TCF4: variants seen among roughly 807,000 people sequenced by gnomAD.
TCF4 encodes transcription factor 4, also known as SL3-3 enhancer factor 2.
TCF4 carries 3 observed loss-of-function variants against 82.1 expected under a neutral mutation model. The ratio of observed to expected loss-of-function variants is 0.04; its 90% CI spans 0.02 to 0.09. The LOEUF is 0.09. TCF4 is among the 10% of genes least tolerant of loss of function. TCF4 has a pLI of 1.00. For missense variants in TCF4, 518 were observed against 852.7 expected (o/e 0.61, Z 4.89); for synonymous variants, 276 against 309.6 (o/e 0.89, Z 1.14).
At chr18:55,468,343 G>A (rs1568134090) in intron 3 of TCF4, among the ~76,000 whole-genome samples, 1 of 152,154 alleles carries the variant, frequency 6.6e-6, no homozygotes. Context: ...AAACAAGATT[G>A]ACAATAACCA....
chr18:55,508,336 T>C (rs934111423), intron 3 of TCF4, among the ~76,000 whole-genome samples: 4 of 152,240 alleles, frequency 2.6e-5, no homozygotes, highest in Admixed American at 6.5e-5. Context: ...TCCTCCGTTA[T>C]AGCAATTCTA....
At chr18:55,484,610 C>T (rs946446534) in intron 3 of TCF4, among the ~76,000 whole-genome samples, 3 of 152,176 alleles carry the variant, frequency 2.0e-5, no homozygotes, top group South Asian at 2.1e-4. Context: ...AAACTGAGTG[C>T]GGGCCTTGGA....
intron 8 of TCF4, among the ~76,000 whole-genome samples, chr18:55,315,867 C>T (rs1157821170): frequency 6.6e-6 from 1 of 151,982 alleles, no homozygotes; most frequent in Admixed American, 6.6e-5. Context: ...ATACAAACAA[C>T]TGCTTTTTTT....
intron 2 of TCF4, among the ~76,000 whole-genome samples, chr18:55,614,074 T>G (rs1334828581): frequency 6.6e-6 from 1 of 152,150 alleles, no homozygotes; most frequent in African/African-American, 2.4e-5. Flanking sequence ...TTAATTTTTT[T>G]GTAGAGACGA....
In TCF4 at chr18:55,601,468, A is replaced by G. The variant is rs866720496; in HGVS notation, c.287-14332T>C. Among the ~76,000 whole-genome samples, 7 of 1,810 alleles carry G rather than the reference A, an allele frequency of 3.9e-3. No homozygotes were observed. The African/African-American group carries it at 0.041, about 11-fold the overall frequency. The allele number at this position is 1,810 out of a possible 152,430, so 1.2% of individuals were successfully genotyped here. ...CTGATTTTACATTCCATAACTGAGAAAAAAAAAAAAAAAGGAAAGGAAAGT... is the reference window on the plus strand; with the variant it reads ...CTGATTTTACATTCCATAACTGAGAGAAAAAAAAAAAAAGGAAAGGAAAGT... On this transcript the variant is annotated intron_variant, in intron 2 of 20. Coordinates refer to the TCF4 transcript ENST00000398339.
At chr18:55,595,659 A>C (rs574619185) in intron 2 of TCF4, among the ~76,000 whole-genome samples, 1 of 152,330 alleles carries the variant, frequency 6.6e-6, no homozygotes, top group Non-Finnish European at 1.5e-5. Flanking sequence ...AAATTTCAAC[A>C]ATCTTTCATT....
At chr18:55,516,662 G>A (rs965596766) in intron 3 of TCF4, among the ~76,000 whole-genome samples, 1 of 152,154 alleles carries the variant, frequency 6.6e-6, no homozygotes, top group Non-Finnish European at 1.5e-5. Context: ...TTTGAGTGAA[G>A]AGAGAGATGA....
intron 15 of TCF4, among the ~76,000 whole-genome samples, chr18:55,249,941 CAG>C (rs2054505176): frequency 6.6e-6 from 1 of 152,102 alleles, no homozygotes; most frequent in Non-Finnish European, 1.5e-5. Flanking sequence ...GAATGAGTAA[CAG>C]AGAGAATTCT....
At chr18:55,412,434 G>A (rs570257274) in intron 5 of TCF4, among the ~76,000 whole-genome samples, 12 of 151,560 alleles carry the variant, frequency 7.9e-5, no homozygotes, top group Middle Eastern at 3.2e-3. Context: ...TGAGAATCCC[G>A]GAGTTTTGTT....
intron 6 of TCF4, among the ~76,000 whole-genome samples, chr18:55,363,666 C>A (rs1365105697): frequency 6.6e-6 from 1 of 152,016 alleles, no homozygotes; most frequent in Non-Finnish European, 1.5e-5. Flanking sequence ...ATTAACCAGG[C>A]GTGGTAGTGC....
intron 3 of TCF4, among the ~76,000 whole-genome samples, chr18:55,505,112 T>C (rs1346390304): frequency 6.6e-6 from 1 of 152,154 alleles, no homozygotes; most frequent in Non-Finnish European, 1.5e-5. Context: ...CCTAGGAGAA[T>C]AAGCCTGACC....
chr18:55,583,367 G>A (rs1414502343), intron 3 of TCF4, among the ~76,000 whole-genome samples: 2 of 152,052 alleles, frequency 1.3e-5, no homozygotes, highest in African/African-American at 4.8e-5. Context: ...GTGTATGTGT[G>A]TGTGTTATTG....
At chr18:55,362,471 C>T (rs935819379) in intron 6 of TCF4, among the ~76,000 whole-genome samples, 1 of 150,568 alleles carries the variant, frequency 6.6e-6, no homozygotes, top group African/African-American at 2.5e-5. Flanking sequence ...CTGACCCTGA[C>T]CTTTGGACTC....
intron 5 of TCF4, among the ~76,000 whole-genome samples, chr18:55,448,611 G>A (rs2095566659): frequency 6.6e-6 from 1 of 152,228 alleles, no homozygotes. Context: ...TGACTTAGGG[G>A]AGGCATCTAT....
chr18:55,344,027 A>G (rs1360799449), intron 8 of TCF4, among the ~76,000 whole-genome samples: 1 of 152,210 alleles, frequency 6.6e-6, no homozygotes, highest in Non-Finnish European at 1.5e-5. Flanking sequence ...CAGCCTGACA[A>G]GTATGGATTC....
At chr18:55,487,431 A>C (rs1172804371) in intron 3 of TCF4, among the ~76,000 whole-genome samples, 2 of 152,234 alleles carry the variant, frequency 1.3e-5, no homozygotes, top group African/African-American at 4.8e-5. Context: ...CAGGGTTGAC[A>C]CCAATGCCTG....
At chr18:55,301,454 T>G (rs2068244210) in intron 8 of TCF4, among the ~76,000 whole-genome samples, 1 of 152,228 alleles carries the variant, frequency 6.6e-6, no homozygotes, top group South Asian at 2.1e-4. Context: ...AGGCTCATTC[T>G]GTGGTGAAAT....
chr18:55,618,877 T>A (rs1228125273), intron 2 of TCF4, among the ~76,000 whole-genome samples: 1 of 152,080 alleles, frequency 6.6e-6, no homozygotes, highest in Non-Finnish European at 1.5e-5. Flanking sequence ...GTGAGTTGCC[T>A]TGCCTGACCT....
intron 3 of TCF4, among the ~76,000 whole-genome samples, chr18:55,468,414 C>G (rs1024493584): frequency 5.3e-5 from 8 of 152,182 alleles, no homozygotes; most frequent in African/African-American, 1.7e-4. Flanking sequence ...TTAAGCCAGA[C>G]AGAAAATATC....
Sources: gnomAD v4.1 joint callset for allele counts (sites outside exome capture counted in the v4.1 genomes callset) on GRCh38, gnomAD v4.1.1 for gene constraint, MANE v1.5 for transcripts, NCBI Gene and HGNC (gene_info 2026-07-23, HGNC 2026-07-21) for gene names.